The following HIBADH variants were observed in gnomAD, a reference collection of about 807,000 sequenced individuals.
HIBADH encodes the protein 3-hydroxyisobutyrate dehydrogenase.
HIBADH carries 25 observed loss-of-function variants against 36.1 expected under a neutral mutation model. The ratio of observed to expected loss-of-function variants is 0.69; its 90% CI spans 0.50 to 0.97. The LOEUF (loss-of-function observed/expected upper bound fraction) is 0.97, where lower values mean the gene tolerates loss of function less well. HIBADH is among the 50% of genes least tolerant of loss of function. The probability of loss-of-function intolerance (pLI) is 0.00; values close to 1 mark genes in which losing one functional copy is unlikely to be tolerated. For missense variants in HIBADH, 421 were observed against 418.0 expected, an observed-to-expected ratio of 1.01 and a Z score of -0.06; for synonymous variants, 160 against 149.5, an observed-to-expected ratio of 1.07 and a Z score of -0.51.
intron 4 of HIBADH, among the ~76,000 whole-genome samples, chr7:27,598,291 C>A (rs1785063917): frequency 6.6e-6 from 1 of 152,138 alleles, no homozygotes; most frequent in African/African-American, 2.4e-5. Context: ...CACATAACTT[C>A]TTTGCTTTTA....
intron 4 of HIBADH, among the ~76,000 whole-genome samples, chr7:27,546,178 C>T (rs1343203440): frequency 6.6e-6 from 1 of 152,194 alleles, no homozygotes; most frequent in Admixed American, 6.5e-5. Flanking sequence ...TCATAGCTCA[C>T]TGCAGCCTCA....
At chr7:27,619,189 A>T (rs1785492903) in intron 4 of HIBADH, among the ~76,000 whole-genome samples, 1 of 152,196 alleles carries the variant, frequency 6.6e-6, no homozygotes, top group South Asian at 2.1e-4. Context: ...GAAATAACAG[A>T]TACCAGAAAA....
intron 4 of HIBADH, among the ~76,000 whole-genome samples, chr7:27,603,249 T>C (rs1427096352): frequency 3.9e-5 from 6 of 152,192 alleles, no homozygotes; most frequent in Non-Finnish European, 8.8e-5. Context: ...TCCATAGTGT[T>C]AAAACTGCAA....
intron 3 of HIBADH, among the ~76,000 whole-genome samples, chr7:27,630,768 A>G (rs2128294465): frequency 6.6e-6 from 1 of 152,222 alleles, no homozygotes; most frequent in South Asian, 2.1e-4. Flanking sequence ...ACATATTAAA[A>G]ATTGTTTAAA....
At chr7:27,551,311 T>A (rs1784316674) in intron 4 of HIBADH, among the ~76,000 whole-genome samples, 1 of 152,180 alleles carries the variant, frequency 6.6e-6, no homozygotes, top group African/African-American at 2.4e-5. Context: ...GGGTCACACC[T>A]CTTGGACAAG....
Position 27,629,453 on chromosome 7 carries a change from A to G in HIBADH, c.402T>C (p.Thr134=), listed in dbSNP as rs1450645903. ...ATTCTTTTGAAACTGCAGGATCAAT[A>G]GTGCTGGAATCTATTAATAATGAGC... ...KKGSLLIDSS[T]IDPAVSKELA... The change falls in exon 4 of 8, where the codon ACT becomes ACC. Residue 134 remains threonine, a synonymous_variant. Coordinates refer to ENST00000265395, the MANE Select transcript of HIBADH (RefSeq NM_152740.4). 1.2e-6 allele frequency: 2 copies of G among 1,607,046 alleles called. No homozygotes were observed. Among genetic ancestry groups the G allele is most frequent in the Non-Finnish European group, 1.7e-6 (2 of 1,175,292 alleles).
intron 4 of HIBADH, among the ~76,000 whole-genome samples, chr7:27,567,706 T>C (rs937882851): frequency 6.6e-6 from 1 of 152,058 alleles, no homozygotes; most frequent in African/African-American, 2.4e-5. Context: ...ACTAAAGTTT[T>C]CATGTCCATT....
intron 4 of HIBADH, among the ~76,000 whole-genome samples, chr7:27,586,317 G>C (rs1419043201): frequency 6.9e-6 from 1 of 145,332 alleles, no homozygotes; most frequent in African/African-American, 2.5e-5. Context: ...AGCAACTGCA[G>C]TGTAGAGCAA....
At chr7:27,662,061 T>C (rs1239418551) in intron 1 of HIBADH, among the ~76,000 whole-genome samples, 1 of 152,148 alleles carries the variant, frequency 6.6e-6, no homozygotes, top group Non-Finnish European at 1.5e-5. Flanking sequence ...CTGCCCACAA[T>C]CTTGAGGACG....
At chr7:27,660,840 G>A (rs1309517179) in intron 1 of HIBADH, among the ~76,000 whole-genome samples, 1 of 152,152 alleles carries the variant, frequency 6.6e-6, no homozygotes, top group East Asian at 1.9e-4. Context: ...CTCTGAGGTA[G>A]GCCCTCCCAG....
chr7:27,553,577 G>GT (rs1784349928), intron 4 of HIBADH, among the ~76,000 whole-genome samples: 1 of 152,216 alleles, frequency 6.6e-6, no homozygotes, highest in Non-Finnish European at 1.5e-5. Context: ...TACAGAAGCC[G>GT]TAAGACAGAA....
chr7:27,615,425 CCTTT>C (rs1354651470), intron 4 of HIBADH, among the ~76,000 whole-genome samples: 1 of 152,152 alleles, frequency 6.6e-6, no homozygotes, highest in Admixed American at 6.5e-5. Context: ...TTAGTAAGGT[CCTTT>C]CTAATAATAA....
chr7:27,624,823 T>C (rs1317057267), intron 4 of HIBADH, among the ~76,000 whole-genome samples: 4 of 152,238 alleles, frequency 2.6e-5, no homozygotes, highest in Non-Finnish European at 5.9e-5. Flanking sequence ...TATCACTGCT[T>C]ATCCTGTCTA....
chr7:27,570,590 T>G (rs533755066), intron 4 of HIBADH, among the ~76,000 whole-genome samples: 1 of 152,056 alleles, frequency 6.6e-6, no homozygotes, highest in South Asian at 2.1e-4. Context: ...GAAACTCCCC[T>G]CTGCCTTAAA....
intron 4 of HIBADH, among the ~76,000 whole-genome samples, chr7:27,555,171 A>G (rs146476490): frequency 6.6e-6 from 1 of 152,298 alleles, no homozygotes; most frequent in African/African-American, 2.4e-5. Flanking sequence ...AAACCTTGGA[A>G]TAAAATTTTT....
At chr7:27,645,814 T>C (rs924307552) in intron 2 of HIBADH, among the ~76,000 whole-genome samples, 1 of 152,220 alleles carries the variant, frequency 6.6e-6, no homozygotes, top group Non-Finnish European at 1.5e-5. Context: ...ACTTGTCTTA[T>C]GCTGGCGTTG....
At chr7:27,588,943 A>G (rs1350728867) in intron 4 of HIBADH, among the ~76,000 whole-genome samples, 1 of 152,172 alleles carries the variant, frequency 6.6e-6, no homozygotes, top group African/African-American at 2.4e-5. Context: ...TTATGTTTTG[A>G]GAGACCCGAC....
At chr7:27,599,540 G>C (rs1785088858) in intron 4 of HIBADH, among the ~76,000 whole-genome samples, 1 of 151,698 alleles carries the variant, frequency 6.6e-6, no homozygotes, top group South Asian at 2.1e-4. Context: ...AAATTAGCTG[G>C]GCGTGGTGGC....
chr7:27,651,478 A>G (rs1221683600), intron 1 of HIBADH, among the ~76,000 whole-genome samples: 1 of 152,248 alleles, frequency 6.6e-6, no homozygotes, highest in Non-Finnish European at 1.5e-5. Context: ...GAATGAGTAC[A>G]CTTCATCAGA....
Sources: allele counts gnomAD v4.1 joint callset (sites outside exome capture counted in the v4.1 genomes callset), GRCh38; gene constraint gnomAD v4.1.1; transcripts MANE v1.5; gene names NCBI Gene and HGNC (gene_info 2026-07-23, HGNC 2026-07-21).